EFCAB11: variants seen among roughly 807,000 people sequenced by gnomAD.
EFCAB11 encodes EF-hand calcium-binding domain-containing protein 11.
A neutral mutation model predicts 23.0 loss-of-function variants in EFCAB11; 14 were observed. That is an observed-to-expected ratio of 0.61 (90% CI 0.40 to 0.95). The LOEUF (loss-of-function observed/expected upper bound fraction) is 0.95. Among genes scored for constraint, EFCAB11 ranks in the 40% least tolerant of loss-of-function variants. The probability of loss-of-function intolerance (pLI) is 0.00; values close to 1 mark genes in which losing one functional copy is unlikely to be tolerated. For missense variants in EFCAB11, 198 were observed against 195.8 expected (o/e 1.01, Z -0.07); for synonymous variants, 65 against 66.6 (o/e 0.98, Z 0.11).
intron 5 of EFCAB11, chr14:89,833,014 A>G (rs1886936827): frequency 6.6e-6 from 1 of 152,162 alleles, no homozygotes; most frequent in Non-Finnish European, 1.5e-5. Context: ...AGCCATATCC[A>G]TTTTCTTACA....
intron 3 of EFCAB11, among the ~76,000 whole-genome samples, chr14:89,935,088 A>ATC (rs1421294256): frequency 1.3e-5 from 2 of 152,144 alleles, no homozygotes; most frequent in Non-Finnish European, 2.9e-5. Flanking sequence ...CCCAGGCATC[A>ATC]TCTCCTGTTT....
At chr14:89,819,820 A>G (rs1886452271) in intron 5 of EFCAB11, among the ~76,000 whole-genome samples, 1 of 152,226 alleles carries the variant, frequency 6.6e-6, no homozygotes, top group African/African-American at 2.4e-5. Context: ...AAAATTATTC[A>G]AGTATGTTAA....
chr14:89,940,415 T>A (rs1433298225), intron 3 of EFCAB11, among the ~76,000 whole-genome samples: 1 of 152,172 alleles, frequency 6.6e-6, no homozygotes, highest in Admixed American at 6.5e-5. Flanking sequence ...AGAAAAATAA[T>A]ACCTTTAATA....
intron 5 of EFCAB11, among the ~76,000 whole-genome samples, chr14:89,923,108 C>G (rs1890071618): frequency 6.6e-6 from 1 of 152,166 alleles, no homozygotes; most frequent in African/African-American, 2.4e-5. Flanking sequence ...ATTTGAAAAT[C>G]TATGTAACAA....
chr14:89,924,207 A>C (rs1890115345), intron 5 of EFCAB11: 1 of 985,964 alleles, frequency 1.0e-6, no homozygotes, highest in Non-Finnish European at 1.2e-6. Flanking sequence ...TCAAAAAAGG[A>C]GAGTTAGATG....
At chr14:89,881,445 G>T (rs1276499541) in intron 5 of EFCAB11, among the ~76,000 whole-genome samples, 1 of 20,134 alleles carries the variant, frequency 5.0e-5, no homozygotes, top group African/African-American at 1.7e-4. Flanking sequence ...TCTACTTTAT[G>T]ACTTGGCATA....
At chr14:89,953,201 T>C (rs1342194858) in intron 2 of EFCAB11, among the ~76,000 whole-genome samples, 7 of 150,858 alleles carry the variant, frequency 4.6e-5, no homozygotes, top group Non-Finnish European at 8.8e-5. Context: ...TGCAGCAATG[T>C]TGGCAGAAAA....
At chr14:89,799,662 A>AC (rs1230738970) in intron 5 of EFCAB11, among the ~76,000 whole-genome samples, 1 of 135,992 alleles carries the variant, frequency 7.4e-6, no homozygotes, top group Non-Finnish European at 1.6e-5. Flanking sequence ...AGCACCTCCC[A>AC]CCCCCCAACC....
intron 3 of EFCAB11, 101 bp from the exon 4 acceptor site, chr14:89,932,728 AT>A: frequency 2.1e-6 from 2 of 938,766 alleles, no homozygotes; most frequent in Non-Finnish European, 3.2e-6. Context: ...CAATAATCAA[AT>A]TTTATCTTAA....
At chr14:89,825,039 A>C (rs1032775968) in intron 5 of EFCAB11, among the ~76,000 whole-genome samples, 4 of 148,852 alleles carry the variant, frequency 2.7e-5, no homozygotes, top group Non-Finnish European at 5.9e-5. Context: ...CACTCCTGAC[A>C]CCTACAGGAT....
At chr14:89,852,346 T>C (rs1057446782) in intron 5 of EFCAB11, among the ~76,000 whole-genome samples, 6 of 152,184 alleles carry the variant, frequency 3.9e-5, no homozygotes, top group Non-Finnish European at 8.8e-5. Context: ...AGTGTACCAC[T>C]CAGATCCCCC....
In EFCAB11 at chr14:89,881,452, C is replaced by CATATATATATATATATATATATAT. The variant is rs10530483; in HGVS notation, c.410+50088_410+50089insATATATATATATATATATATATAT. Among the ~76,000 whole-genome samples the CATATATATATATATATATATATAT allele has an allele frequency of 5.0e-3, 235 of 46,692 alleles. 31 individuals carry two copies. The highest frequency in any genetic ancestry group is 8.0e-3 in the African/African-American group (112 of 13,942). The allele number at this position is 46,692 out of a possible 152,430, so 30.6% of individuals were successfully genotyped here. On this transcript the variant is annotated intron_variant, in intron 5 of 5. Coordinates refer to ENST00000316738, the MANE Select transcript of EFCAB11 (RefSeq NM_145231.4). ...ATTTTTGGTCTACTTTATGACTTGG[C>CATATATATATATATATATATATAT]ATATATATATATATTCTTTTTTTTT... is the stretch of plus-strand genomic sequence containing the variant.
intron 5 of EFCAB11, among the ~76,000 whole-genome samples, chr14:89,885,997 C>T (rs1888760239): frequency 6.6e-6 from 1 of 151,896 alleles, no homozygotes; most frequent in Admixed American, 6.6e-5. Context: ...AGGACTTACA[C>T]TGCCAGACAT....
intron 5 of EFCAB11, among the ~76,000 whole-genome samples, chr14:89,803,515 T>C (rs1418436781): frequency 6.6e-6 from 1 of 152,224 alleles, no homozygotes; most frequent in Non-Finnish European, 1.5e-5. Flanking sequence ...GAAATGTGAA[T>C]GAGAAATTTA....
chr14:89,941,685 G>C (rs181010723), intron 3 of EFCAB11, among the ~76,000 whole-genome samples: 9 of 151,228 alleles, frequency 6.0e-5, no homozygotes, highest in African/African-American at 2.2e-4. Flanking sequence ...CAAGTAGCTG[G>C]GAATATAGGT....
intron 3 of EFCAB11, among the ~76,000 whole-genome samples, chr14:89,940,336 T>C (rs953236279): frequency 9.2e-5 from 14 of 152,110 alleles, no homozygotes; most frequent in African/African-American, 3.4e-4. Flanking sequence ...GGAGCCAAAA[T>C]AAAAAACCAT....
intron 4 of EFCAB11, 59 bp downstream of exon 4, chr14:89,932,467 C>A: frequency 1.5e-6 from 2 of 1,306,080 alleles, no homozygotes; most frequent in South Asian, 1.2e-5. Flanking sequence ...GTATATAATC[C>A]TATTTGCAAT....
chr14:89,828,272 A>G (rs574189856), intron 5 of EFCAB11, among the ~76,000 whole-genome samples: 1 of 152,308 alleles, frequency 6.6e-6, no homozygotes, highest in East Asian at 1.9e-4. Flanking sequence ...TATTTTTATG[A>G]CTGACTTTAT....
intron 5 of EFCAB11, among the ~76,000 whole-genome samples, chr14:89,807,262 C>G (rs1885998920): frequency 6.6e-6 from 1 of 152,102 alleles, no homozygotes; most frequent in African/African-American, 2.4e-5. Context: ...ATAACACAGG[C>G]TTTTTACAGT....
Sources: gnomAD v4.1 joint callset for allele counts (sites outside exome capture counted in the v4.1 genomes callset) on GRCh38, gnomAD v4.1.1 for gene constraint, MANE v1.5 for transcripts, NCBI Gene and HGNC (gene_info 2026-07-23, HGNC 2026-07-21) for gene names.